Variants in HORMAD2 observed in about 807,000 individuals in gnomAD.
HORMAD2 encodes HORMA domain-containing protein 2.
In HORMAD2, 45 loss-of-function variants were observed where a neutral mutation model predicts 38.8. The ratio of observed to expected loss-of-function variants is 1.16; its 90% CI spans 0.91 to 1.49. The LOEUF (loss-of-function observed/expected upper bound fraction) is 1.49, where lower values mean the gene tolerates loss of function less well. Ranked by LOEUF, HORMAD2 falls within the 40% of genes most tolerant of loss-of-function variation. The pLI, the probability that HORMAD2 is intolerant of heterozygous loss-of-function variation, is 0.00. For missense variants in HORMAD2, 338 were observed against 367.0 expected, an observed-to-expected ratio of 0.92 and a Z score of 0.65; for synonymous variants, 126 against 122.8, an observed-to-expected ratio of 1.03 and a Z score of -0.17.
chr22:30,135,135 G>C (rs1923567786), intron 10 of HORMAD2, among the ~76,000 whole-genome samples: 1 of 152,068 alleles, frequency 6.6e-6, no homozygotes, highest in Non-Finnish European at 1.5e-5. Flanking sequence ...ATGTAGGGGA[G>C]AGCGTGTAAA....
chr22:30,142,260 CAG>C lies in HORMAD2; in HGVS notation c.819+20049_819+20050del, dbSNP rs1924133739. On this transcript the variant is annotated intron_variant, in intron 10 of 10. Coordinates refer to ENST00000336726, the MANE Select transcript of HORMAD2 (RefSeq NM_152510.4). ...CTCCACTGCACTCCAGCCTGAGCAGCAGAGTGAGACCCTGTCTCCTTGACTCA... is the reference window on the plus strand; with the variant it reads ...CTCCACTGCACTCCAGCCTGAGCAGCAGTGAGACCCTGTCTCCTTGACTCA... 3.9e-5 allele frequency among the ~76,000 whole-genome samples: 6 copies of C among 152,284 alleles called. No individual in the cohort carries two copies. In the South Asian group the frequency reaches 1.2e-3, roughly 32 times the overall value.
intron 10 of HORMAD2, among the ~76,000 whole-genome samples, chr22:30,174,424 T>C (rs948384620): frequency 1.3e-5 from 2 of 152,192 alleles, no homozygotes; most frequent in Non-Finnish European, 2.9e-5. Flanking sequence ...TGTTAAGAAG[T>C]GTCCCCTGGC....
chr22:30,093,367 T>C (rs757293261), intron 1 of HORMAD2, among the ~76,000 whole-genome samples: 1 of 152,208 alleles, frequency 6.6e-6, no homozygotes, highest in Non-Finnish European at 1.5e-5. Flanking sequence ...ACAACTGAAG[T>C]TAGTTCAAGA....
chr22:30,168,762 C>T (rs1440683332), intron 10 of HORMAD2, among the ~76,000 whole-genome samples: 6 of 152,106 alleles, frequency 3.9e-5, no homozygotes, highest in Admixed American at 6.6e-5. Flanking sequence ...AACTTCACTG[C>T]GGCTTTTGGT....
the HORMAD2 span, among the ~76,000 whole-genome samples, chr22:30,204,094 T>C: frequency 2.0e-5 from 3 of 152,184 alleles, no homozygotes; most frequent in African/African-American, 7.2e-5. Flanking sequence ...GAGCTGATGC[T>C]TCTCCCAGAG....
chr22:30,175,268 TA>T (rs1387463556), intron 10 of HORMAD2, among the ~76,000 whole-genome samples: 7 of 140,104 alleles, frequency 5.0e-5, no homozygotes, highest in East Asian at 2.0e-4. Flanking sequence ...ATATATATAA[TA>T]ATATATATAA....
At chr22:30,162,577 TCTTA>T (rs1925514244) in intron 10 of HORMAD2, among the ~76,000 whole-genome samples, 3 of 152,188 alleles carry the variant, frequency 2.0e-5, no homozygotes, top group African/African-American at 4.8e-5. Flanking sequence ...CATCGTTTCT[TCTTA>T]CTTTTTAAAA....
chr22:30,159,770 C>T (rs901059837), intron 10 of HORMAD2, among the ~76,000 whole-genome samples: 2 of 152,052 alleles, frequency 1.3e-5, no homozygotes, highest in African/African-American at 4.8e-5. Context: ...TGATTCACTA[C>T]TGAAGACCAG....
intron 2 of HORMAD2, among the ~76,000 whole-genome samples, chr22:30,096,718 C>G (rs6006351): frequency 3.5e-4 from 54 of 152,218 alleles, no homozygotes; most frequent in African/African-American, 1.3e-3. Flanking sequence ...ATCCGCCCAC[C>G]CCAGCCTCCC....
downstream of HORMAD2, among the ~76,000 whole-genome samples, chr22:30,180,780 T>C (rs1926663263): frequency 5.3e-5 from 8 of 150,882 alleles, no homozygotes. Context: ...CTTCCCTTCC[T>C]TTCCCTTCCC....
Position 30,174,837 on chromosome 22 carries a change from G to A in HORMAD2, c.820-1226G>A, listed in dbSNP as rs542598304. Among the ~76,000 whole-genome samples the A allele has an allele frequency of 8.5e-5, 13 of 152,126 alleles. No individual in the cohort carries two copies. The South Asian group carries it at 2.7e-3, about 32-fold the overall frequency. On this transcript the variant is annotated intron_variant, in intron 10 of 10. Coordinates refer to ENST00000336726, the MANE Select transcript of HORMAD2 (RefSeq NM_152510.4). ...TTTTTGTGCTTTGACTTTTTATGTT[G>A]CTATTTCCTTTCCTTTAGAGCAGCC...
chr22:30,080,724 G>A (rs2068455729), intron 1 of HORMAD2, among the ~76,000 whole-genome samples: 1 of 152,150 alleles, frequency 6.6e-6, no homozygotes, highest in African/African-American at 2.4e-5. Context: ...ACTGGACAGA[G>A]AGCACCCAGG....
the HORMAD2 span, among the ~76,000 whole-genome samples, chr22:30,194,963 C>T: frequency 1.3e-4 from 19 of 151,876 alleles, 1 homozygote; most frequent in Admixed American, 5.9e-4. Context: ...GAGGCCGAGG[C>T]GGGTGGATTA....
chr22:30,158,781 C>A (rs1711620886), intron 10 of HORMAD2, among the ~76,000 whole-genome samples: 1 of 151,572 alleles, frequency 6.6e-6, no homozygotes, highest in Non-Finnish European at 1.5e-5. Flanking sequence ...ACTTCCTGGG[C>A]TCCCGCGATC....
At chr22:30,103,830 T>G (rs1228143188) in intron 4 of HORMAD2, among the ~76,000 whole-genome samples, 1 of 151,528 alleles carries the variant, frequency 6.6e-6, no homozygotes, top group East Asian at 1.9e-4. Flanking sequence ...CTCAGCTAAT[T>G]TTTGTATTTT....
the HORMAD2 span, among the ~76,000 whole-genome samples, chr22:30,190,530 C>A: frequency 6.6e-6 from 1 of 152,228 alleles, no homozygotes; most frequent in African/African-American, 2.4e-5. Flanking sequence ...CTCGGCCAAA[C>A]CCCTGCTAAG....
chr22:30,144,308 T>C (rs939702676), intron 10 of HORMAD2, among the ~76,000 whole-genome samples: 7 of 152,234 alleles, frequency 4.6e-5, no homozygotes, highest in Non-Finnish European at 1.0e-4. Flanking sequence ...ACAGGAGGAC[T>C]TCTCTCAGTT....
At chr22:30,104,145 C>A (rs1406192782) in intron 4 of HORMAD2, among the ~76,000 whole-genome samples, 1 of 152,072 alleles carries the variant, frequency 6.6e-6, no homozygotes, top group Non-Finnish European at 1.5e-5. Flanking sequence ...GATAATTCAT[C>A]ATATGTGTGT....
the HORMAD2 span, among the ~76,000 whole-genome samples, chr22:30,188,939 C>G: frequency 1.3e-5 from 2 of 152,010 alleles, no homozygotes; most frequent in South Asian, 2.1e-4. Context: ...AGTTCAAGAC[C>G]AGCCTGGGCA....
Sources: gnomAD v4.1 joint callset for allele counts (sites outside exome capture counted in the v4.1 genomes callset) on GRCh38, gnomAD v4.1.1 for gene constraint, MANE v1.5 for transcripts, NCBI Gene and HGNC (gene_info 2026-07-23, HGNC 2026-07-21) for gene names.